The following ANO1 variants were observed in gnomAD, a reference collection of about 807,000 sequenced individuals.
ANO1 encodes the protein anoctamin 1, also known as anoctamin-1.
Under a neutral mutation model 124.0 loss-of-function variants are expected in ANO1, and 59 were observed. That is an observed-to-expected ratio of 0.48 (90% confidence interval 0.39 to 0.59). ANO1 has a LOEUF of 0.59. ANO1 is among the 20% of genes least tolerant of loss of function. The probability of loss-of-function intolerance (pLI) is 0.00; values close to 1 mark genes in which losing one functional copy is unlikely to be tolerated. For synonymous variants in ANO1, 529 were observed against 532.0 expected, an observed-to-expected ratio of 0.99 and a Z score of 0.08; for missense variants, 1,059 against 1,328.0, an observed-to-expected ratio of 0.80 and a Z score of 3.15.
At chr11:69,978,227 G>A in the ANO1 span, among the ~76,000 whole-genome samples, 2 of 152,218 alleles carry the variant, frequency 1.3e-5, no homozygotes, top group Non-Finnish European at 2.9e-5. Context: ...TCACCAGGCT[G>A]CCACCTCGGG....
At chr11:69,975,340 C>G in the ANO1 span, among the ~76,000 whole-genome samples, 1 of 152,222 alleles carries the variant, frequency 6.6e-6, no homozygotes, top group South Asian at 2.1e-4. Flanking sequence ...GGACAGCCCC[C>G]CTCCCCAAAA....
At chr11:69,967,258 C>A in the ANO1 span, among the ~76,000 whole-genome samples, 3 of 150,582 alleles carry the variant, frequency 2.0e-5, no homozygotes, top group Admixed American at 1.3e-4. Context: ...AGGTTCCGAG[C>A]GCCTGTATTG....
intron 1 of ANO1, among the ~76,000 whole-genome samples, chr11:70,012,759 C>T (rs983305840): frequency 2.6e-5 from 4 of 152,072 alleles, no homozygotes; most frequent in African/African-American, 4.8e-5. Context: ...ATCTATTCGT[C>T]CACACATTCA....
intron 2 of ANO1, among the ~76,000 whole-genome samples, chr11:70,095,396 A>AAG (rs1390166696): frequency 2.4e-5 from 1 of 42,376 alleles, no homozygotes; most frequent in Non-Finnish European, 6.5e-5. Flanking sequence ...GAAAGAAAGA[A>AAG]AGAAAGAAAG....
chr11:70,074,174 AT>A, upstream of ANO1, among the ~76,000 whole-genome samples: 1 of 152,172 alleles, frequency 6.6e-6, no homozygotes, highest in East Asian at 1.9e-4. Context: ...ACGGGTGGCC[AT>A]TGGCGCTCAC....
Position 70,161,680 on chromosome 11 carries a change from G to A in ANO1, c.1839G>A (p.Leu613=), listed in dbSNP as rs776353827. ...GGCTGATCTTCAAGGCTTTCCTGCT[G>A]AAGTTTGTGAATTCCTACACCCCCA... ...EERLIFKAFL[L]KFVNSYTPIF... is the part of the protein sequence containing the mutation. The change falls in exon 18 of 26, where the codon CTG becomes CTA. Residue 613 remains leucine, a synonymous_variant. Transcript: ENST00000355303. 2.5e-6 allele frequency: 4 copies of A among 1,614,034 alleles called. No homozygotes were observed. Among genetic ancestry groups the A allele is most frequent in the South Asian group, 1.1e-5 (1 of 91,082 alleles).
chr11:70,078,123 C>G (rs564361054), upstream of ANO1, among the ~76,000 whole-genome samples: 1 of 152,156 alleles, frequency 6.6e-6, no homozygotes, highest in African/African-American at 2.4e-5. Flanking sequence ...CCTTTCACAC[C>G]CGGTATGAAA....
intron 1 of ANO1, among the ~76,000 whole-genome samples, chr11:70,066,643 G>A (rs1857728350): frequency 1.3e-5 from 2 of 152,000 alleles, no homozygotes; most frequent in Admixed American, 1.3e-4. Flanking sequence ...GGCGGGGTGG[G>A]TGGCAGCCCT....
intron 1 of ANO1, among the ~76,000 whole-genome samples, chr11:70,079,255 T>C (rs908450701): frequency 6.6e-6 from 1 of 152,124 alleles, no homozygotes; most frequent in Admixed American, 6.5e-5. Context: ...AAACGCATAT[T>C]GTGCCCAGGG....
intron 22 of ANO1, among the ~76,000 whole-genome samples, chr11:70,174,032 T>G (rs1590923786): frequency 7.0e-6 from 1 of 142,240 alleles, no homozygotes; most frequent in South Asian, 2.3e-4. Flanking sequence ...GCCTCCCGGG[T>G]TCACGCCATT....
At chr11:70,007,423 C>G (rs4980725) in intron 1 of ANO1, among the ~76,000 whole-genome samples, 52,608 of 151,704 alleles carry the variant, frequency 0.35, 10,011 homozygotes, top group East Asian at 0.48. Context: ...ACTACAAGTG[C>G]CTGCCACCAC....
chr11:70,182,291 A>C (rs1309790588), intron 23 of ANO1, among the ~76,000 whole-genome samples: 1 of 152,006 alleles, frequency 6.6e-6, no homozygotes, highest in African/African-American at 2.4e-5. Flanking sequence ...GCCACCAGGC[A>C]CTCTCCTTCA....
At position 70,103,105 on chromosome 11, in the gene ANO1, C is replaced by G. The variant is rs1484612875; in HGVS notation, c.481C>G (p.Pro161Ala). The G allele has an allele frequency of 3.1e-6, 5 of 1,612,996 alleles. No individual in the cohort carries two copies. The highest frequency in any genetic ancestry group is 4.2e-6 in the Non-Finnish European group (5 of 1,179,556). The change falls in exon 3 of 26, where the codon CCC becomes GCC. Residue 161 changes from proline (P) to alanine (A), a missense_variant. Pro to Ala is a conservative substitution (Grantham distance 27). This residue lies in a region of ANO1 where 250 missense variants were observed against 233.1 expected (regional missense o/e 1.07). Transcript: ENST00000355303. ...HGVGFVKIHA[P>A]WNVLCREAEF... is the part of the protein sequence containing the mutation. ...AGTCGGGTTTGTGAAAATCCATGCCCCCTGGAACGTGCTGTGCAGAGAGGC... is the reference window on the plus strand; with the variant it reads ...AGTCGGGTTTGTGAAAATCCATGCCGCCTGGAACGTGCTGTGCAGAGAGGC...
chr11:70,180,461 C>T (rs1590939807), intron 23 of ANO1, among the ~76,000 whole-genome samples: 2 of 152,180 alleles, frequency 1.3e-5, no homozygotes, highest in African/African-American at 2.4e-5. Flanking sequence ...TTAGTAGAGA[C>T]GGGGTTTTGA....
Position 70,078,701 on chromosome 11 carries a change from C to T in ANO1, c.95C>T (p.Pro32Leu). Reference protein sequence around the residue: ...ICAIEDIGYLPSEGTLLNSLS... With the variant: ...ICAIEDIGYLLSEGTLLNSLS... ...GCCATCGAGGACATCGGCTACCTGC[C>T]GTCCGAGGGCACGGTGAGTGCGGGC... Residue 32 changes from proline (P) to leucine (L), a missense_variant, in exon 1 of 26, where the codon CCG (proline) becomes CTG (leucine). This residue lies in a region of ANO1 where 250 missense variants were observed against 233.1 expected (regional missense o/e 1.07). Coordinates refer to ENST00000355303, the MANE Select transcript of ANO1 (RefSeq NM_018043.7). The T allele has an allele frequency of 6.7e-7, 1 of 1,484,022 alleles. No individual in the cohort carries two copies. The highest frequency in any genetic ancestry group is 9.0e-7 in the Non-Finnish European group (1 of 1,105,368). 91.9% of individuals were successfully genotyped at this position (1,484,022 alleles called of 1,614,324 possible).
At chr11:70,130,032 G>A (rs2515268) in intron 10 of ANO1, among the ~76,000 whole-genome samples, 62,126 of 151,950 alleles carry the variant, frequency 0.41, 13,658 homozygotes, top group East Asian at 0.55. Flanking sequence ...TGCAAGGGAC[G>A]TTTATTAAGC....
At chr11:69,983,611 G>C (rs72931768), upstream of ANO1, among the ~76,000 whole-genome samples, 14,394 of 152,206 alleles carry the variant, frequency 0.095, 774 homozygotes, top group East Asian at 0.12. Context: ...CCTCTCCTGC[G>C]GGCCACATGG....
chr11:70,030,849 CCA>C (rs1253710832), intron 1 of ANO1, among the ~76,000 whole-genome samples: 1 of 152,184 alleles, frequency 6.6e-6, no homozygotes, highest in African/African-American at 2.4e-5. Flanking sequence ...TGGAAGGATC[CCA>C]CAGAGGCAGA....
intron 1 of ANO1, among the ~76,000 whole-genome samples, chr11:70,067,086 C>T (rs1175584663): frequency 1.3e-5 from 2 of 152,154 alleles, no homozygotes; most frequent in Non-Finnish European, 2.9e-5. Flanking sequence ...TCTAAGTCTT[C>T]CCAAAGTTTC....
Sources: allele counts gnomAD v4.1 joint callset (sites outside exome capture counted in the v4.1 genomes callset), GRCh38; gene constraint gnomAD v4.1.1; regional missense constraint gnomAD v4.1.1; transcripts MANE v1.5; gene names NCBI Gene and HGNC (gene_info 2026-07-23, HGNC 2026-07-21).